The following MACROD2 variants were observed in gnomAD, a reference collection of about 807,000 sequenced individuals.
MACROD2 encodes mono-ADP ribosylhydrolase 2.
A neutral mutation model predicts 70.4 loss-of-function variants in MACROD2; 36 were observed. The ratio of observed to expected loss-of-function variants is 0.51; its 90% CI spans 0.39 to 0.68. The LOEUF (loss-of-function observed/expected upper bound fraction) is 0.68, where lower values mean the gene tolerates loss of function less well. Ranked by LOEUF, MACROD2 falls within the 30% of genes least tolerant of loss-of-function variation. MACROD2 has a pLI of 0.00. For synonymous variants in MACROD2, 172 were observed against 178.8 expected (o/e 0.96, Z 0.30); for missense variants, 496 against 538.4 (o/e 0.92, Z 0.78).
At chr20:15,660,534 C>G (rs777959690) in intron 8 of MACROD2, among the ~76,000 whole-genome samples, 1 of 152,104 alleles carries the variant, frequency 6.6e-6, no homozygotes, top group South Asian at 2.1e-4. Flanking sequence ...TAATCATATG[C>G]CATATTTCAG....
intron 3 of MACROD2, among the ~76,000 whole-genome samples, chr20:14,247,118 G>T (rs1471555386): frequency 1.3e-5 from 2 of 152,046 alleles, no homozygotes; most frequent in African/African-American, 4.8e-5. Context: ...TTGGCCTCCA[G>T]ATTATTTTGA....
chr20:15,006,481 A>G (rs930175916), intron 5 of MACROD2, among the ~76,000 whole-genome samples: 2 of 152,116 alleles, frequency 1.3e-5, no homozygotes, highest in African/African-American at 4.8e-5. Context: ...CTAAGCGAGT[A>G]TAACAAGTAT....
At chr20:14,137,553 G>A (rs905088788) in intron 3 of MACROD2, among the ~76,000 whole-genome samples, 3 of 152,096 alleles carry the variant, frequency 2.0e-5, no homozygotes, top group Non-Finnish European at 2.9e-5. Context: ...TTTCAAAAAT[G>A]ATGTCGTGAA....
intron 4 of MACROD2, among the ~76,000 whole-genome samples, chr20:14,523,780 G>A (rs1393668503): frequency 1.3e-5 from 2 of 152,196 alleles, no homozygotes; most frequent in Admixed American, 1.3e-4. Context: ...AAATTCTATA[G>A]CAAGATCTAA....
intron 9 of MACROD2, among the ~76,000 whole-genome samples, chr20:15,880,255 A>G (rs1168085981): frequency 6.6e-6 from 1 of 152,018 alleles, no homozygotes; most frequent in African/African-American, 2.4e-5. Flanking sequence ...GTTAGTTGCA[A>G]TTTCTCAGAT....
At chr20:14,300,282 G>A (rs2082463556) in intron 3 of MACROD2, among the ~76,000 whole-genome samples, 1 of 152,210 alleles carries the variant, frequency 6.6e-6, no homozygotes, top group Non-Finnish European at 1.5e-5. Flanking sequence ...ATTAGCTCAT[G>A]TGAATCTCAC....
intron 15 of MACROD2, among the ~76,000 whole-genome samples, chr20:16,007,051 G>A (rs144166625): frequency 3.9e-5 from 6 of 152,282 alleles, no homozygotes; most frequent in South Asian, 2.1e-4. Context: ...GTTCTGAGCC[G>A]TGGTATGACA....
intron 4 of MACROD2, among the ~76,000 whole-genome samples, chr20:14,597,218 A>AGTATTACTACTGCTTGTAT (rs1416972981): frequency 1.3e-5 from 2 of 152,312 alleles, no homozygotes; most frequent in African/African-American, 4.8e-5. Flanking sequence ...AAATAGTATC[A>AGTATTACTACTGCTTGTAT]GTATTGCTTA....
chr20:14,511,899 C>T (rs1391320495), intron 4 of MACROD2, among the ~76,000 whole-genome samples: 2 of 150,708 alleles, frequency 1.3e-5, no homozygotes, highest in Admixed American at 1.3e-4. Flanking sequence ...TCTTCCATAG[C>T]ACTGTACTAC....
At chr20:14,500,859 C>T (rs571438081) in intron 4 of MACROD2, among the ~76,000 whole-genome samples, 18 of 152,272 alleles carry the variant, frequency 1.2e-4, no homozygotes, top group Admixed American at 9.2e-4. Flanking sequence ...GCAGAAATTT[C>T]CTGAGAGTGA....
In MACROD2 at chr20:15,326,653, C is replaced by T. The variant is rs939085001; in HGVS notation, c.540+96592C>T. ...GTTCCAGGACTGAATATTGTACTCA[C>T]ATTTGGATAAGACAAGGATGGGGCT... On this transcript the variant is annotated intron_variant, in intron 6 of 17. Coordinates refer to ENST00000684519, the MANE Select transcript of MACROD2 (RefSeq NM_001351661.2). Among the ~76,000 whole-genome samples, 14 of 152,024 alleles carry T rather than the reference C, an allele frequency of 9.2e-5. 1 individual carries two copies. Among genetic ancestry groups the T allele is most frequent in the Admixed American group, 8.5e-4 (13 of 15,238 alleles).
At chr20:14,697,327 A>G (rs2071138612) in intron 5 of MACROD2, among the ~76,000 whole-genome samples, 4 of 152,230 alleles carry the variant, frequency 2.6e-5, no homozygotes, top group Admixed American at 2.6e-4. Flanking sequence ...CCCCACATCA[A>G]AATATATCCA....
chr20:14,729,355 C>T (rs763297484), intron 5 of MACROD2, among the ~76,000 whole-genome samples: 4 of 152,174 alleles, frequency 2.6e-5, no homozygotes, highest in East Asian at 1.9e-4. Flanking sequence ...CCTTTTATCA[C>T]GCATGAAAAA....
At chr20:14,217,019 T>C (rs1473715464) in intron 3 of MACROD2, among the ~76,000 whole-genome samples, 3 of 152,172 alleles carry the variant, frequency 2.0e-5, no homozygotes, top group Non-Finnish European at 4.4e-5. Context: ...GTCTGACTGC[T>C]CTGGCTAGGA....
chr20:15,634,906 T>C (rs903677970), intron 8 of MACROD2, among the ~76,000 whole-genome samples: 14 of 152,250 alleles, frequency 9.2e-5, no homozygotes, highest in Non-Finnish European at 1.9e-4. Context: ...TTCTTGCTGC[T>C]ATTTTTGTTG....
chr20:15,222,338 G>A (rs567817899), intron 5 of MACROD2, among the ~76,000 whole-genome samples: 1 of 152,294 alleles, frequency 6.6e-6, no homozygotes, highest in South Asian at 2.1e-4. Context: ...ACTTCGAAAT[G>A]TGTATATGAA....
intron 8 of MACROD2, among the ~76,000 whole-genome samples, chr20:15,709,638 GC>G (rs1459777207): frequency 6.6e-6 from 1 of 152,120 alleles, no homozygotes; most frequent in Non-Finnish European, 1.5e-5. Context: ...CTGCACTCCC[GC>G]CTAGGTGACA....
intron 5 of MACROD2, among the ~76,000 whole-genome samples, chr20:14,834,532 A>T (rs978340268): frequency 6.6e-6 from 1 of 152,048 alleles, no homozygotes; most frequent in Non-Finnish European, 1.5e-5. Context: ...GGGACCCATT[A>T]AGTGTATGAT....
intron 8 of MACROD2, among the ~76,000 whole-genome samples, chr20:15,585,950 A>G (rs1192014483): frequency 6.6e-6 from 1 of 152,162 alleles, no homozygotes; most frequent in Non-Finnish European, 1.5e-5. Context: ...ATTTAGGATT[A>G]TGCATCCAAT....
Sources: gnomAD v4.1 joint callset for allele counts (sites outside exome capture counted in the v4.1 genomes callset) on GRCh38, gnomAD v4.1.1 for gene constraint, MANE v1.5 for transcripts, NCBI Gene and HGNC (gene_info 2026-07-23, HGNC 2026-07-21) for gene names.